The following MTPN variants were observed in gnomAD, a reference collection of about 807,000 sequenced individuals.
MTPN encodes granule cell differentiation protein.
Under a neutral mutation model 13.5 loss-of-function variants are expected in MTPN, and 2 were observed. That is an observed-to-expected ratio of 0.15 (90% CI 0.06 to 0.47). The LOEUF is 0.47. Among genes scored for constraint, MTPN ranks in the 20% least tolerant of loss-of-function variants. The pLI is 0.97. For missense variants in MTPN, 79 were observed against 137.9 expected (o/e 0.57, Z 2.14); for synonymous variants, 46 against 51.7 (o/e 0.89, Z 0.48).
chr7:135,932,605 T>C (rs1483273115), intron 3 of MTPN: 1 of 152,050 alleles, frequency 6.6e-6, no homozygotes, highest in African/African-American at 2.4e-5. Context: ...TATATACATA[T>C]ATACTTCTTT....
chr7:135,934,883 ACT>A (rs768063977), intron 3 of MTPN, among the ~76,000 whole-genome samples: 3 of 151,718 alleles, frequency 2.0e-5, no homozygotes, highest in Non-Finnish European at 1.5e-5. Context: ...GGTCTTTAAC[ACT>A]CTTTATAACT....
At chr7:135,948,984 A>G (rs144568498) in intron 3 of MTPN, among the ~76,000 whole-genome samples, 168 of 152,300 alleles carry the variant, frequency 1.1e-3, no homozygotes, top group African/African-American at 3.7e-3. Context: ...TTTGAGAGCT[A>G]GCAGATAGGC....
chr7:135,960,047 G>T (rs1330929284), intron 1 of MTPN, among the ~76,000 whole-genome samples: 2 of 151,920 alleles, frequency 1.3e-5, no homozygotes, highest in Admixed American at 6.6e-5. Context: ...AACATTTACT[G>T]ATAGCTTATA....
chr7:135,974,210 T>C (rs1445671721), intron 1 of MTPN, among the ~76,000 whole-genome samples: 2 of 152,118 alleles, frequency 1.3e-5, no homozygotes, highest in Non-Finnish European at 2.9e-5. Context: ...TAGAAAAGTG[T>C]AATTACTGAC....
chr7:135,948,292 T>C (rs1033993994), intron 3 of MTPN, among the ~76,000 whole-genome samples: 2 of 152,148 alleles, frequency 1.3e-5, no homozygotes, highest in Non-Finnish European at 2.9e-5. Context: ...AAAGCAGAAC[T>C]AAAATGTACT....
rs1799791841 is a variant in MTPN, at chr7:135,977,179, G to C, written c.-79C>G. Reference sequence around the variant, plus strand: ...GCAGCAAGCGGATGCCGCCGGGCGAGAGGGAGGCAGGGCCGCGCGAAGCCG... The same window carrying C: ...GCAGCAAGCGGATGCCGCCGGGCGACAGGGAGGCAGGGCCGCGCGAAGCCG... On this transcript the variant is annotated 5_prime_UTR_variant, in exon 1 of 4. Transcript: ENST00000393085. 1.4e-6 allele frequency: 2 copies of C among 1,457,142 alleles called. No homozygotes were observed. The highest frequency in any genetic ancestry group is 1.7e-5 in the Admixed American group (1 of 59,726). The allele number at this position is 1,457,142 out of a possible 1,614,324, so 90.3% of individuals were successfully genotyped here.
At chr7:135,933,710 C>T (rs965335633) in intron 3 of MTPN, among the ~76,000 whole-genome samples, 1 of 152,188 alleles carries the variant, frequency 6.6e-6, no homozygotes, top group Non-Finnish European at 1.5e-5. Context: ...GTAACACTTA[C>T]AGTAACAGCC....
chr7:135,968,542 T>C (rs1799640213), intron 1 of MTPN, among the ~76,000 whole-genome samples: 1 of 152,150 alleles, frequency 6.6e-6, no homozygotes, highest in Non-Finnish European at 1.5e-5. Context: ...TGGCCTGTGA[T>C]GTAATACCAT....
intron 1 of MTPN, among the ~76,000 whole-genome samples, chr7:135,971,027 A>C (rs984509834): frequency 6.6e-6 from 1 of 152,244 alleles, no homozygotes; most frequent in Non-Finnish European, 1.5e-5. Context: ...TGGCTATTTT[A>C]TTAGGAAAGT....
intron 3 of MTPN, among the ~76,000 whole-genome samples, chr7:135,937,223 T>C (rs7790103): frequency 0.02 from 3,018 of 152,250 alleles, 98 homozygotes; most frequent in African/African-American, 0.07. Flanking sequence ...TTGTCAAGGT[T>C]TTGAAGATGC....
intron 1 of MTPN, among the ~76,000 whole-genome samples, chr7:135,952,709 C>T (rs764511461): frequency 6.6e-6 from 1 of 152,176 alleles, no homozygotes; most frequent in Non-Finnish European, 1.5e-5. Flanking sequence ...CACCTGTAAT[C>T]CCAGCACTTT....
At chr7:135,932,988 G>A (rs1799048173) in intron 3 of MTPN, 2 of 151,284 alleles carry the variant, frequency 1.3e-5, no homozygotes, top group Admixed American at 6.6e-5. Flanking sequence ...TACTTCGGAG[G>A]CTAAGGCATG....
At position 135,928,895 on chromosome 7, in the gene MTPN, C is replaced by CCAAA. The variant is rs149352698; in HGVS notation, c.*1027_*1030dup. ...TTTGAAGGGATGGGGCTAAATTTGT[C>CCAAA]CAAACAGTAAATCTCACCCCAGTGA... On this transcript the variant is annotated 3_prime_UTR_variant, in exon 4 of 4. Transcript: ENST00000393085. 4.1e-3 allele frequency: 680 copies of CCAAA among 167,186 alleles called. 5 individuals are homozygous for CCAAA. The highest frequency in any genetic ancestry group is 6.1e-3 in the Non-Finnish European group (418 of 68,108). 10.4% of individuals were successfully genotyped at this position (167,186 alleles called of 1,614,324 possible).
At position 135,969,088 on chromosome 7, in the gene MTPN, TG is replaced by T. The variant is rs71174565; in HGVS notation, c.72+7940del. ...TCACACTCTGGGGACTGTTGTGGGG[TG>T]GGGGGGGGGGAGGAGGGAGGGATAG... On this transcript the variant is annotated intron_variant, in intron 1 of 3. Transcript: ENST00000393085. Among the ~76,000 whole-genome samples, 295 of 33,608 alleles carry T rather than the reference TG, an allele frequency of 8.8e-3. 5 individuals carry two copies. Among genetic ancestry groups the T allele is most frequent in the Middle Eastern group, 0.014 (1 of 70 alleles). 22.0% of individuals were successfully genotyped at this position (33,608 alleles called of 152,430 possible).
chr7:135,927,578 A>C lies in MTPN; in HGVS notation c.*2348T>G. 1.4e-6 allele frequency: 1 copy of C among 690,184 alleles called. No individual in the cohort carries two copies. Among genetic ancestry groups the C allele is most frequent in the Non-Finnish European group, 2.6e-6 (1 of 381,172 alleles). 42.8% of individuals were successfully genotyped at this position (690,184 alleles called of 1,614,324 possible). A position where few individuals can be genotyped will look rare whatever the true frequency, so the allele number is the denominator to read the frequency against. Reference sequence around the variant, plus strand: ...AGCAAACATGGTTTTAGCTTCCTTTACTCAAAATATGAACATTAAGTGTTG... The same window carrying C: ...AGCAAACATGGTTTTAGCTTCCTTTCCTCAAAATATGAACATTAAGTGTTG... On this transcript the variant is annotated 3_prime_UTR_variant, in exon 4 of 4. Transcript: ENST00000393085.
chr7:135,965,338 G>A (rs926167465), intron 1 of MTPN, among the ~76,000 whole-genome samples: 1 of 152,020 alleles, frequency 6.6e-6, no homozygotes, highest in Admixed American at 6.6e-5. Flanking sequence ...ACATGGTCAA[G>A]GTTAGTAAGT....
chr7:135,951,627 C>G lies in MTPN; in HGVS notation c.76G>C (p.Glu26Gln), dbSNP rs1191133766. Residue 26 changes from glutamate (E) to glutamine (Q), a missense_variant, in exon 2 of 4, where the codon GAA becomes CAA. Coordinates refer to ENST00000393085, the MANE Select transcript of MTPN (RefSeq NM_145808.4). ...CCTTCTAGTGTCCGGTTGACATCTT[C>G]TCCCTGATAAGAAAACCAAATGAAA... ...DEVKDYVAKG[E>Q]DVNRTLEGGR... 1.2e-6 allele frequency: 2 copies of G among 1,603,914 alleles called. No individual in the cohort carries two copies. The highest frequency in any genetic ancestry group is 1.7e-6 in the Non-Finnish European group (2 of 1,173,150).
At chr7:135,970,908 A>T (rs1028885049) in intron 1 of MTPN, among the ~76,000 whole-genome samples, 1 of 152,224 alleles carries the variant, frequency 6.6e-6, no homozygotes, top group Non-Finnish European at 1.5e-5. Context: ...GGCAACACAC[A>T]GTGATACATT....
chr7:135,927,611 G>T lies in MTPN; in HGVS notation c.*2315C>A. 1.5e-6 allele frequency: 1 copy of T among 672,252 alleles called. No individual in the cohort carries two copies. Among genetic ancestry groups the T allele is most frequent in the Non-Finnish European group, 2.7e-6 (1 of 363,904 alleles). 41.6% of individuals were successfully genotyped at this position (672,252 alleles called of 1,614,324 possible). ...TATGAACATTAAGTGTTGTGAATTTGTCTGCCAAGTGGTTCAGAAATACAT... is the reference window on the plus strand; with the variant it reads ...TATGAACATTAAGTGTTGTGAATTTTTCTGCCAAGTGGTTCAGAAATACAT... On this transcript the variant is annotated 3_prime_UTR_variant, in exon 4 of 4. Transcript: ENST00000393085.
Sources: gnomAD v4.1 joint callset for allele counts (sites outside exome capture counted in the v4.1 genomes callset) on GRCh38, gnomAD v4.1.1 for gene constraint, MANE v1.5 for transcripts, NCBI Gene and HGNC (gene_info 2026-07-23, HGNC 2026-07-21) for gene names.